The following BCCIP variants were observed in gnomAD, a reference collection of about 807,000 sequenced individuals.
BCCIP encodes BRCA2 and CDKN1A interacting protein, also known as BRCA2 and CDKN1A-interacting protein.
Under a neutral mutation model 32.8 loss-of-function variants are expected in BCCIP, and 23 were observed. The observed-to-expected ratio is 0.70, with a 90% CI of 0.51 to 0.99. The LOEUF (loss-of-function observed/expected upper bound fraction) is 0.99, where lower values mean the gene tolerates loss of function less well. Ranked by LOEUF, BCCIP falls within the 50% of genes least tolerant of loss-of-function variation. BCCIP has a pLI of 0.00. For synonymous variants in BCCIP, 144 were observed against 137.6 expected, an observed-to-expected ratio of 1.05 and a Z score of -0.33; for missense variants, 378 against 379.8, an observed-to-expected ratio of 1.00 and a Z score of 0.04.
chr10:125,849,627 C>A (rs895808719), intron 7 of BCCIP, among the ~76,000 whole-genome samples: 4 of 152,188 alleles, frequency 2.6e-5, no homozygotes, highest in African/African-American at 9.7e-5. Context: ...TGGGCAGTGC[C>A]AGTCCTGCCG....
At chr10:125,844,968 G>A (rs1433700392), downstream of BCCIP, among the ~76,000 whole-genome samples, 1 of 152,322 alleles carries the variant, frequency 6.6e-6, no homozygotes, top group East Asian at 1.9e-4. Flanking sequence ...ACTGTTCTGT[G>A]TGCCTGTTTT....
chr10:125,833,662 G>A (rs753867437), intron 5 of BCCIP, 110 bp from the exon 6 acceptor site: 7 of 994,990 alleles, frequency 7.0e-6, no homozygotes, highest in South Asian at 1.5e-5. Flanking sequence ...GAATGCCTGC[G>A]TCACAGCAGA....
intron 6 of BCCIP, 34 bp downstream of exon 6, chr10:125,833,980 A>G (rs1418427082): frequency 1.1e-5 from 18 of 1,600,320 alleles, no homozygotes; most frequent in Non-Finnish European, 1.5e-5. Flanking sequence ...TTAGATGTAA[A>G]TAAGGATTTT....
rs1442403652 is a variant in BCCIP, at chr10:125,836,259, A to ATATC, written c.936_939dup (p.Val314IlefsTer16). 1 of 1,614,130 alleles carries ATATC rather than the reference A, an allele frequency of 6.2e-7. No individual in the cohort carries two copies. Among genetic ancestry groups the ATATC allele is most frequent in the Non-Finnish European group, 8.5e-7 (1 of 1,180,042 alleles). Reference sequence around the variant, plus strand: ...ACGAAATCATGGATAAACTGAAAGAATATCTATCTGTCTAACCCATTTCCA... The same window carrying ATATC: ...ACGAAATCATGGATAAACTGAAAGAATATCTATCTATCTGTCTAACCCATTTCCA... On this transcript the variant is annotated frameshift_variant, in exon 7 of 7. Coordinates refer to ENST00000278100, the MANE Select transcript of BCCIP (RefSeq NM_078468.3). LOFTEE classifies it high-confidence loss of function.
chr10:125,831,320 G>T lies in BCCIP; in HGVS notation c.412-100G>T, dbSNP rs533936814. ...GACGTTAAGGCTATGGCAGGAAACT[G>T]CCCTTAGCTGTAAGATGAAAAGTGA... is the stretch of plus-strand genomic sequence containing the variant. On this transcript the variant is annotated intron_variant, in intron 4 of 6. Coordinates refer to ENST00000278100, the MANE Select transcript of BCCIP (RefSeq NM_078468.3). 3.3e-5 allele frequency: 39 copies of T among 1,181,550 alleles called. No homozygotes were observed. In the South Asian group the frequency reaches 5.6e-4, roughly 17 times the overall value. 73.2% of individuals were successfully genotyped at this position (1,181,550 alleles called of 1,614,324 possible).
downstream of BCCIP, among the ~76,000 whole-genome samples, chr10:125,846,845 C>G (rs897092851): frequency 1.3e-5 from 2 of 152,136 alleles, no homozygotes; most frequent in Non-Finnish European, 2.9e-5. Flanking sequence ...TTTCCAGGAG[C>G]TGACATAGTA....
downstream of BCCIP, among the ~76,000 whole-genome samples, chr10:125,843,770 C>T (rs912930830): frequency 1.6e-4 from 24 of 152,140 alleles, no homozygotes; most frequent in African/African-American, 3.9e-4. Flanking sequence ...TGGAGGACAG[C>T]GGAGCCAGCA....
At chr10:125,848,532 T>C (rs1361928935) in intron 7 of BCCIP, among the ~76,000 whole-genome samples, 3 of 152,216 alleles carry the variant, frequency 2.0e-5, no homozygotes, top group African/African-American at 7.2e-5. Flanking sequence ...ACCGGCAGTG[T>C]TGAACCTGGC....
intron 1 of BCCIP, among the ~76,000 whole-genome samples, chr10:125,824,346 T>G (rs556383302): frequency 3.3e-5 from 5 of 152,360 alleles, no homozygotes; most frequent in Admixed American, 6.5e-5. Flanking sequence ...AGGTACTTAT[T>G]ATTTGTTTAG....
downstream of BCCIP, among the ~76,000 whole-genome samples, chr10:125,837,590 C>G (rs1193452772): frequency 1.3e-5 from 2 of 152,110 alleles, no homozygotes; most frequent in African/African-American, 4.8e-5. Context: ...CCACACCCGG[C>G]TAATTTTTTT....
chr10:125,839,294 C>G, downstream of BCCIP: 1 of 1,145,854 alleles, frequency 8.7e-7, no homozygotes, highest in Non-Finnish European at 1.2e-6. Context: ...TCCTCTCCTA[C>G]AAAGGAGGCC....
chr10:125,846,436 A>G (rs944319379), downstream of BCCIP, among the ~76,000 whole-genome samples: 2 of 152,182 alleles, frequency 1.3e-5, no homozygotes, highest in African/African-American at 4.8e-5. Context: ...GTGTTGGTTC[A>G]TGATTTCCTC....
At chr10:125,838,359 T>C (rs1335188254), downstream of BCCIP, 1 of 1,597,986 alleles carries the variant, frequency 6.3e-7, no homozygotes, top group Non-Finnish European at 8.5e-7. Flanking sequence ...CATTAAGTAG[T>C]TACCTGATCC....
chr10:125,829,423 C>T (rs550002469), intron 3 of BCCIP, among the ~76,000 whole-genome samples: 5 of 152,186 alleles, frequency 3.3e-5, no homozygotes, highest in Non-Finnish European at 5.9e-5. Flanking sequence ...TCTAATGTTC[C>T]ACTCTTAAGT....
At chr10:125,835,469 C>T (rs1193592970) in intron 6 of BCCIP, among the ~76,000 whole-genome samples, 1 of 151,566 alleles carries the variant, frequency 6.6e-6, no homozygotes, top group Non-Finnish European at 1.5e-5. Context: ...GTCCCAGCTA[C>T]TTGGGAGGCT....
At chr10:125,824,491 C>G (rs564998413) in intron 1 of BCCIP, among the ~76,000 whole-genome samples, 29 of 152,144 alleles carry the variant, frequency 1.9e-4, no homozygotes, top group Non-Finnish European at 3.4e-4. Flanking sequence ...ATAAATGGCC[C>G]CTAAAGTCAC....
intron 2 of BCCIP, 63 bp downstream of exon 2, chr10:125,826,728 A>C (rs925666317): frequency 6.3e-7 from 1 of 1,591,722 alleles, no homozygotes; most frequent in Non-Finnish European, 8.6e-7. Flanking sequence ...GGCCGGGTGC[A>C]GTGGTTCATG....
At chr10:125,834,096 A>C in intron 6 of BCCIP, 150 bp downstream of exon 6, 1 of 808,466 alleles carries the variant, frequency 1.2e-6, no homozygotes, top group Non-Finnish European at 1.9e-6. Flanking sequence ...AGCAGCTAAC[A>C]TAGTGCCAGG....
downstream of BCCIP, among the ~76,000 whole-genome samples, chr10:125,843,942 G>T (rs114648171): frequency 1.0e-3 from 156 of 152,280 alleles, 1 homozygote; most frequent in African/African-American, 3.6e-3. Flanking sequence ...CAAATATGTT[G>T]AATTTCCCTA....
Sources: gnomAD v4.1 joint callset for allele counts (sites outside exome capture counted in the v4.1 genomes callset) on GRCh38, gnomAD v4.1.1 for gene constraint, MANE v1.5 for transcripts, NCBI Gene and HGNC (gene_info 2026-07-23, HGNC 2026-07-21) for gene names.